The following ABLIM3 variants were observed in gnomAD, a reference collection of about 807,000 sequenced individuals.
ABLIM3 encodes the protein actin-binding LIM protein 3.
Under a neutral mutation model 109.5 loss-of-function variants are expected in ABLIM3, and 61 were observed. The ratio of observed to expected loss-of-function variants is 0.56; its 90% CI spans 0.45 to 0.69. The LOEUF (loss-of-function observed/expected upper bound fraction) is 0.69. Among genes scored for constraint, ABLIM3 ranks in the 30% least tolerant of loss-of-function variants. The pLI, the probability that ABLIM3 is intolerant of heterozygous loss-of-function variation, is 0.00. For synonymous variants in ABLIM3, 300 were observed against 324.8 expected (o/e 0.92, Z 0.82); for missense variants, 796 against 889.5 (o/e 0.89, Z 1.34).
intron 5 of ABLIM3, 117 bp downstream of exon 5, chr5:149,200,545 C>A: frequency 1.0e-6 from 1 of 962,552 alleles, no homozygotes; most frequent in Non-Finnish European, 1.6e-6. Context: ...GGTTCCCAAC[C>A]TGGAGGCCTC....
At chr5:149,168,087 A>C (rs1465156717) in intron 2 of ABLIM3, among the ~76,000 whole-genome samples, 2 of 152,216 alleles carry the variant, frequency 1.3e-5, no homozygotes, top group African/African-American at 4.8e-5. Context: ...TGTGACAACC[A>C]AAAATGTCTT....
intron 10 of ABLIM3, among the ~76,000 whole-genome samples, 161 bp downstream of exon 10, chr5:149,233,461 G>A (rs1156276941): frequency 1.3e-5 from 2 of 152,098 alleles, no homozygotes; most frequent in Admixed American, 6.5e-5. Context: ...GATCCAGTGG[G>A]GTACAGGGAG....
chr5:149,155,451 G>A (rs115210679), intron 2 of ABLIM3, among the ~76,000 whole-genome samples: 1,553 of 152,302 alleles, frequency 0.01, 30 homozygotes, highest in African/African-American at 0.036. Context: ...TGACTGTGAT[G>A]TGAGATAAAC....
chr5:149,207,285 C>A, intron 6 of ABLIM3, 151 bp downstream of exon 6: 2 of 1,294,550 alleles, frequency 1.5e-6, no homozygotes, highest in Non-Finnish European at 2.1e-6. Context: ...CCAGCAGCCT[C>A]TTTCCCCCGT....
At position 149,145,606 on chromosome 5, in the gene ABLIM3, T is replaced by C. The variant is rs141709907; in HGVS notation, c.13+3498T>C. On this transcript the variant is annotated intron_variant, in intron 2 of 23. Coordinates refer to ENST00000309868, the MANE Select transcript of ABLIM3 (RefSeq NM_014945.5). Reference sequence around the variant, plus strand: ...GTGGCTGAACTAATTTACATTCCCATCAACAATGTAAAAGCATCCCTTTTT... The same window carrying C: ...GTGGCTGAACTAATTTACATTCCCACCAACAATGTAAAAGCATCCCTTTTT... 4.7e-3 allele frequency among the ~76,000 whole-genome samples: 716 copies of C among 152,314 alleles called. 7 individuals are homozygous for C. The highest frequency in any genetic ancestry group is 0.016 in the African/African-American group (660 of 41,566).
chr5:149,252,293 C>T (rs1310564936), intron 22 of ABLIM3, 85 bp downstream of exon 22: 1 of 1,488,914 alleles, frequency 6.7e-7, no homozygotes, highest in East Asian at 2.3e-5. Flanking sequence ...ACAGCACTGT[C>T]TATGTAGGGA....
intron 23 of ABLIM3, 132 bp downstream of exon 23, chr5:149,252,969 A>T (rs1754078683): frequency 3.0e-6 from 2 of 662,088 alleles, no homozygotes; most frequent in African/African-American, 1.8e-5. Context: ...AAAAGCAGGG[A>T]CTTGAACCAA....
At chr5:149,144,516 T>C (rs774211173) in intron 2 of ABLIM3, among the ~76,000 whole-genome samples, 3 of 152,206 alleles carry the variant, frequency 2.0e-5, no homozygotes, top group Non-Finnish European at 4.4e-5. Flanking sequence ...CCTGATATTG[T>C]CCCTAATAGA....
intron 2 of ABLIM3, among the ~76,000 whole-genome samples, chr5:149,168,126 G>A (rs1754994333): frequency 2.0e-5 from 3 of 152,202 alleles, no homozygotes; most frequent in Admixed American, 2.0e-4. Context: ...TGCTGGGCAA[G>A]AGATAGGGGT....
intron 2 of ABLIM3, among the ~76,000 whole-genome samples, chr5:149,150,096 C>T: frequency 6.6e-6 from 1 of 152,184 alleles, no homozygotes; most frequent in East Asian, 1.9e-4. Flanking sequence ...AGCCAGAGGG[C>T]AAGGAAGGCA....
chr5:149,211,808 T>C (rs945724317), intron 7 of ABLIM3, among the ~76,000 whole-genome samples: 2 of 152,062 alleles, frequency 1.3e-5, no homozygotes, highest in African/African-American at 4.8e-5. Context: ...GAACTATCCC[T>C]GAAGGGCCCT....
chr5:149,212,382 C>T (rs1759651660), intron 7 of ABLIM3, among the ~76,000 whole-genome samples: 1 of 152,082 alleles, frequency 6.6e-6, no homozygotes, highest in Admixed American at 6.5e-5. Context: ...ATGTGACTCA[C>T]TGGGCAAGGG....
At chr5:149,236,637 G>A (rs1752221687) in intron 10 of ABLIM3, among the ~76,000 whole-genome samples, 2 of 152,084 alleles carry the variant, frequency 1.3e-5, no homozygotes, top group Non-Finnish European at 2.9e-5. Flanking sequence ...GCAGAAGGTA[G>A]AGGCTCATTT....
intron 3 of ABLIM3, among the ~76,000 whole-genome samples, chr5:149,192,637 GAA>G (rs767252934): frequency 3.0e-5 from 3 of 101,244 alleles, no homozygotes; most frequent in Admixed American, 1.1e-4. Flanking sequence ...AAAAAAAAAA[GAA>G]AAAAAAAAAA....
At chr5:149,187,922 G>A (rs1757128847) in intron 3 of ABLIM3, among the ~76,000 whole-genome samples, 1 of 152,186 alleles carries the variant, frequency 6.6e-6, no homozygotes, top group Admixed American at 6.5e-5. Flanking sequence ...CGTGCCTCAG[G>A]GATAAGAACC....
At chr5:149,210,598 G>A in intron 6 of ABLIM3, 128 bp from the exon 7 acceptor site, 2 of 742,384 alleles carry the variant, frequency 2.7e-6, no homozygotes. Context: ...AGATGAAATT[G>A]TTTATTAAAG....
chr5:149,185,275 A>C (rs548802600), intron 3 of ABLIM3, among the ~76,000 whole-genome samples: 16 of 152,266 alleles, frequency 1.1e-4, no homozygotes, highest in Middle Eastern at 3.4e-3. Flanking sequence ...GTCTGCTGGC[A>C]GTGGTTGGCA....
intron 3 of ABLIM3, among the ~76,000 whole-genome samples, chr5:149,188,144 A>G (rs1360822063): frequency 1.3e-5 from 2 of 152,226 alleles, no homozygotes; most frequent in African/African-American, 4.8e-5. Flanking sequence ...TCTATTTGAC[A>G]TTGCATTTCA....
At chr5:149,202,623 T>C (rs1446089585) in intron 5 of ABLIM3, among the ~76,000 whole-genome samples, 1 of 152,128 alleles carries the variant, frequency 6.6e-6, no homozygotes, top group East Asian at 1.9e-4. Flanking sequence ...AACAAAATAA[T>C]TGGGGTTTTT....
Sources: gnomAD v4.1 joint callset for allele counts (sites outside exome capture counted in the v4.1 genomes callset) on GRCh38, gnomAD v4.1.1 for gene constraint, MANE v1.5 for transcripts, NCBI Gene and HGNC (gene_info 2026-07-23, HGNC 2026-07-21) for gene names.